SGCZ: variants seen among roughly 807,000 people sequenced by gnomAD.
The protein encoded by SGCZ is zeta-sarcoglycan.
Under a neutral mutation model 41.3 loss-of-function variants are expected in SGCZ, and 40 were observed. The observed-to-expected ratio is 0.97, with a 90% CI of 0.75 to 1.26. The LOEUF (loss-of-function observed/expected upper bound fraction) is 1.26. Among genes scored for constraint, SGCZ ranks in the 50% most tolerant of loss-of-function variants. SGCZ has a pLI of 0.00. For synonymous variants in SGCZ, 206 were observed against 137.5 expected (o/e 1.50, Z -3.49); for missense variants, 552 against 369.8 (o/e 1.49, Z -4.04).
chr8:14,616,193 G>A (rs1352739639), intron 1 of SGCZ, among the ~76,000 whole-genome samples: 3 of 151,760 alleles, frequency 2.0e-5, no homozygotes, highest in Non-Finnish European at 4.4e-5. Context: ...TGAGGCAGGA[G>A]AATGGCGTGA....
chr8:14,090,558 C>G lies in SGCZ; in HGVS notation c.824G>C (p.Ser275Thr). 6.2e-7 allele frequency: 1 copy of G among 1,613,018 alleles called. No individual in the cohort carries two copies. Among genetic ancestry groups the G allele is most frequent in the Non-Finnish European group, 8.5e-7 (1 of 1,179,444 alleles). Residue 275 changes from serine to threonine, a missense_variant, in exon 8 of 8, where the codon AGT (serine) becomes ACT (threonine). Transcript: ENST00000382080. The stretch of plus-strand genomic sequence containing the variant: ...GAGTTCATACACTGTCTGTCGAGAA[C>G]TTGAGGAGCTGGGTGAAGAAGATGA... ...SFSSSSPSSS[S>T]SRQTVYELCV... is the part of the protein sequence containing the mutation.
chr8:14,215,572 T>G (rs1177887540), intron 4 of SGCZ, among the ~76,000 whole-genome samples: 2 of 151,564 alleles, frequency 1.3e-5, no homozygotes, highest in African/African-American at 4.8e-5. Flanking sequence ...AGCTAATTGT[T>G]TGAAAAAAAT....
At chr8:14,336,962 A>G (rs897911707) in intron 2 of SGCZ, among the ~76,000 whole-genome samples, 7 of 151,766 alleles carry the variant, frequency 4.6e-5, no homozygotes, top group African/African-American at 1.7e-4. Flanking sequence ...ACTTGCCTTT[A>G]CTCTGGCACT....
chr8:14,241,072 T>G (rs1164437253), intron 3 of SGCZ, among the ~76,000 whole-genome samples: 4 of 152,168 alleles, frequency 2.6e-5, no homozygotes, highest in Non-Finnish European at 5.9e-5. Flanking sequence ...TGAATGCTCC[T>G]TAAGTTTTAT....
At chr8:15,159,237 G>A (rs1005620225) in intron 1 of SGCZ, among the ~76,000 whole-genome samples, 2 of 152,162 alleles carry the variant, frequency 1.3e-5, no homozygotes, top group Non-Finnish European at 2.9e-5. Flanking sequence ...CCCGAAGGGT[G>A]GTCCACGGAG....
rs1332998866 is a variant in SGCZ, at chr8:15,176,424, T to G, written c.39+61161A>C. Among the ~76,000 whole-genome samples, 3 of 152,212 alleles carry G rather than the reference T, an allele frequency of 2.0e-5. No homozygotes were observed. The East Asian group carries it at 5.8e-4, about 29-fold the overall frequency. ...ATACTTGGCATTTGACGGCAAATAGTCTAATTGAAAGGTTTTAAAGACTTT... is the reference window on the plus strand; with the variant it reads ...ATACTTGGCATTTGACGGCAAATAGGCTAATTGAAAGGTTTTAAAGACTTT... On this transcript the variant is annotated intron_variant, in intron 1 of 7. Coordinates refer to ENST00000382080, the MANE Select transcript of SGCZ (RefSeq NM_139167.4).
chr8:14,757,940 C>G (rs550329727), intron 1 of SGCZ, among the ~76,000 whole-genome samples: 13 of 152,038 alleles, frequency 8.6e-5, no homozygotes, highest in Non-Finnish European at 1.9e-4. Flanking sequence ...CATCTTAATT[C>G]TCCCAATAAC....
chr8:14,727,922 T>G (rs1664229362), intron 1 of SGCZ, among the ~76,000 whole-genome samples: 1 of 152,178 alleles, frequency 6.6e-6, no homozygotes, highest in Non-Finnish European at 1.5e-5. Flanking sequence ...GCAATTAAAA[T>G]GAGTAAACTA....
chr8:14,847,250 A>T (rs1400749221), intron 1 of SGCZ, among the ~76,000 whole-genome samples: 7 of 152,114 alleles, frequency 4.6e-5, no homozygotes, highest in African/African-American at 1.7e-4. Context: ...TGTTTTTCCA[A>T]TTCATTTTAT....
chr8:15,172,125 T>G (rs547950919), intron 1 of SGCZ, among the ~76,000 whole-genome samples: 24 of 144,620 alleles, frequency 1.7e-4, no homozygotes, highest in African/African-American at 5.6e-4. Context: ...TTTACTTAGT[T>G]TAAAGGAAAA....
intron 2 of SGCZ, among the ~76,000 whole-genome samples, chr8:14,451,783 C>G (rs1483248785): frequency 6.6e-6 from 1 of 152,080 alleles, no homozygotes; most frequent in East Asian, 1.9e-4. Flanking sequence ...CAAATTAAAA[C>G]AAGTTACATC....
chr8:15,156,707 TC>T (rs1563155700), intron 1 of SGCZ, among the ~76,000 whole-genome samples: 2 of 150,608 alleles, frequency 1.3e-5, no homozygotes, highest in African/African-American at 2.4e-5. Context: ...ATTCTGGGAG[TC>T]CAAGGCAGAC....
chr8:15,053,419 G>T (rs1188545721), intron 1 of SGCZ, among the ~76,000 whole-genome samples: 1 of 152,006 alleles, frequency 6.6e-6, no homozygotes, highest in Non-Finnish European at 1.5e-5. Flanking sequence ...ATGAGTACTT[G>T]CTTGCATGGT....
At chr8:15,097,142 C>T (rs1049786396) in intron 1 of SGCZ, among the ~76,000 whole-genome samples, 3 of 152,128 alleles carry the variant, frequency 2.0e-5, no homozygotes, top group Non-Finnish European at 4.4e-5. Flanking sequence ...CTTGAAGCTA[C>T]AAACTGTTTG....
At chr8:15,087,852 G>A (rs1327433354) in intron 1 of SGCZ, among the ~76,000 whole-genome samples, 2 of 152,030 alleles carry the variant, frequency 1.3e-5, no homozygotes, top group Admixed American at 1.3e-4. Flanking sequence ...ATTCCATTAA[G>A]AATATATAAG....
intron 1 of SGCZ, among the ~76,000 whole-genome samples, chr8:14,964,416 C>T (rs1343288688): frequency 1.3e-5 from 2 of 152,164 alleles, no homozygotes; most frequent in African/African-American, 4.8e-5. Context: ...GGAAGATGCC[C>T]TGCCTAGGAC....
intron 1 of SGCZ, among the ~76,000 whole-genome samples, chr8:14,687,222 T>G (rs1346493311): frequency 2.0e-5 from 3 of 149,988 alleles, no homozygotes; most frequent in Non-Finnish European, 4.4e-5. Context: ...ACTTTAAGTT[T>G]TAGGGTACAT....
intron 1 of SGCZ, among the ~76,000 whole-genome samples, chr8:14,838,182 C>A (rs1389879138): frequency 6.6e-6 from 1 of 151,712 alleles, no homozygotes; most frequent in Non-Finnish European, 1.5e-5. Flanking sequence ...GGGAAGGGAG[C>A]AAAAAGAGGG....
intron 1 of SGCZ, among the ~76,000 whole-genome samples, chr8:14,594,828 G>C (rs957271850): frequency 4.0e-5 from 6 of 151,646 alleles, no homozygotes; most frequent in Admixed American, 2.6e-4. Context: ...TATGACGTAA[G>C]ACGTTTTCCT....
Sources: allele counts gnomAD v4.1 joint callset (sites outside exome capture counted in the v4.1 genomes callset), GRCh38; gene constraint gnomAD v4.1.1; transcripts MANE v1.5; gene names NCBI Gene and HGNC (gene_info 2026-07-23, HGNC 2026-07-21).